The following CLEC9A variants were observed in gnomAD, a reference collection of about 807,000 sequenced individuals.
CLEC9A encodes the protein C-type lectin domain containing 9A.
CLEC9A carries 24 observed loss-of-function variants against 30.0 expected under a neutral mutation model. The ratio of observed to expected loss-of-function variants is 0.80; its 90% confidence interval spans 0.58 to 1.13. The LOEUF (loss-of-function observed/expected upper bound fraction) is 1.13, where lower values mean the gene tolerates loss of function less well. Among genes scored for constraint, CLEC9A ranks in the 50% most tolerant of loss-of-function variants. CLEC9A has a pLI of 0.00. For synonymous variants in CLEC9A, 111 were observed against 96.8 expected, an observed-to-expected ratio of 1.15 and a Z score of -0.86; for missense variants, 251 against 280.9, an observed-to-expected ratio of 0.89 and a Z score of 0.76.
intron 1 of CLEC9A, among the ~76,000 whole-genome samples, chr12:10,039,331 A>G (rs1311729429): frequency 2.6e-5 from 4 of 152,150 alleles, no homozygotes; most frequent in African/African-American, 4.8e-5. Context: ...TCACTATCCA[A>G]TTGTCCTATA....
At position 10,050,620 on chromosome 12, in the gene CLEC9A, A is replaced by G. The variant is rs1047918142; in HGVS notation, c.-162-1371A>G. On this transcript the variant is annotated intron_variant, in intron 2 of 8. Transcript: ENST00000355819. ...ATTAGTCCTTCATTGGGAGAAGCCA[A>G]TGGCTCCATACAATGAAATTTATCA... Among the ~76,000 whole-genome samples, 7 of 152,374 alleles carry G rather than the reference A, an allele frequency of 4.6e-5. No individual in the cohort carries two copies. In the East Asian group the frequency reaches 7.7e-4, roughly 17 times the overall value.
In CLEC9A at chr12:10,054,274, C is replaced by T. The variant is rs1356571540; in HGVS notation, c.95C>T (p.Ala32Val). The T allele has an allele frequency of 1.9e-6, 3 of 1,611,474 alleles. No individual in the cohort carries two copies. In the African/African-American group the frequency reaches 4.0e-5, roughly 22 times the overall value. Reference protein sequence around the residue: ...KCLSSNKCSGACCLVMVISCV... With the variant: ...KCLSSNKCSGVCCLVMVISCV... The stretch of plus-strand genomic sequence containing the variant: ...ATTTTTCCTATTCTGTGGTTAGGAG[C>T]ATGCTGTCTTGTGATGGTGATTTCA... Residue 32 changes from alanine to valine, a missense_variant, in exon 5 of 9, where the codon GCA becomes GTA. Coordinates refer to ENST00000355819, the MANE Select transcript of CLEC9A (RefSeq NM_207345.4).
intron 5 of CLEC9A, among the ~76,000 whole-genome samples, chr12:10,056,874 A>G (rs776731640): frequency 2.6e-5 from 4 of 152,172 alleles, no homozygotes; most frequent in Non-Finnish European, 4.4e-5. Context: ...ATTCTTACAA[A>G]TAAAAGTTTT....
chr12:10,062,069 CAACCTTGAATAGAAT>C (rs71674723), intron 6 of CLEC9A, among the ~76,000 whole-genome samples: 3,086 of 152,310 alleles, frequency 0.02, 112 homozygotes, highest in African/African-American at 0.071. Flanking sequence ...TCTGAGCCAT[CAACCTTGAATAGAAT>C]AACAATATCC....
chr12:10,063,162 A>G lies in CLEC9A; in HGVS notation c.427A>G (p.Lys143Glu). 6.2e-7 allele frequency: 1 copy of G among 1,611,908 alleles called. No individual in the cohort carries two copies. The highest frequency in any genetic ancestry group is 8.5e-7 in the Non-Finnish European group (1 of 1,179,218). ...IWHTSQENCL[K>E]EGSTLLQIES... ...GCACACCAGTCAAGAGAATTGTTTA[A>G]AGGAAGGTTCCACGCTGCTACAAAT... Residue 143 changes from lysine to glutamate, a missense_variant, in exon 7 of 9, where the codon AAG becomes GAG. Coordinates refer to ENST00000355819, the MANE Select transcript of CLEC9A (RefSeq NM_207345.4).
intron 2 of CLEC9A, among the ~76,000 whole-genome samples, chr12:10,046,177 C>T (rs1336428122): frequency 5.9e-5 from 9 of 152,092 alleles, no homozygotes; most frequent in Non-Finnish European, 1.3e-4. Context: ...CCATTTATAC[C>T]TCACAGTTCT....
chr12:10,033,468 A>C (rs563387197), intron 1 of CLEC9A, among the ~76,000 whole-genome samples: 13 of 152,202 alleles, frequency 8.5e-5, no homozygotes, highest in African/African-American at 3.1e-4. Flanking sequence ...ATTGACTTTG[A>C]TATATTTTAG....
At chr12:10,035,034 G>A (rs1470267368) in intron 1 of CLEC9A, among the ~76,000 whole-genome samples, 2 of 152,220 alleles carry the variant, frequency 1.3e-5, no homozygotes, top group African/African-American at 4.8e-5. Flanking sequence ...CCAAAAGGGT[G>A]ATGGTTTTCC....
At chr12:10,036,139 G>A (rs1009405993) in intron 1 of CLEC9A, among the ~76,000 whole-genome samples, 2 of 150,994 alleles carry the variant, frequency 1.3e-5, no homozygotes, top group Non-Finnish European at 2.9e-5. Context: ...TAGGACTGCA[G>A]TCTGACACAT....
intron 7 of CLEC9A, 148 bp from the exon 8 acceptor site, chr12:10,064,584 C>A: frequency 1.3e-6 from 1 of 771,630 alleles, no homozygotes; most frequent in Non-Finnish European, 2.0e-6. Context: ...AAAAATGTAT[C>A]GGCACTTTTT....
intron 2 of CLEC9A, among the ~76,000 whole-genome samples, chr12:10,048,551 T>C (rs1216492982): frequency 6.6e-6 from 1 of 152,246 alleles, no homozygotes; most frequent in Non-Finnish European, 1.5e-5. Flanking sequence ...TATGCAGTAT[T>C]TGAAATCCTT....
chr12:10,041,064 G>A, intron 1 of CLEC9A: 1 of 157,134 alleles, frequency 6.4e-6, no homozygotes, highest in East Asian at 1.9e-4. Context: ...ACAACATGGT[G>A]AAACCCTGTC....
intron 2 of CLEC9A, among the ~76,000 whole-genome samples, chr12:10,048,510 C>A (rs796802038): frequency 3.1e-4 from 47 of 152,324 alleles, no homozygotes; most frequent in African/African-American, 1.1e-3. Context: ...TCAATCCTCT[C>A]AAATCCTGCT....
At chr12:10,063,520 A>G (rs553027098) in intron 7 of CLEC9A, among the ~76,000 whole-genome samples, 36 of 152,354 alleles carry the variant, frequency 2.4e-4, no homozygotes, top group Admixed American at 1.1e-3. Flanking sequence ...ATATACATAT[A>G]TTATAGTTGC....
chr12:10,038,360 A>G (rs1172375345), intron 1 of CLEC9A, among the ~76,000 whole-genome samples: 1 of 152,240 alleles, frequency 6.6e-6, no homozygotes, highest in Non-Finnish European at 1.5e-5. Flanking sequence ...ATGGAAGACC[A>G]TTTTAAGTGA....
intron 2 of CLEC9A, among the ~76,000 whole-genome samples, chr12:10,044,061 C>T (rs1565589823): frequency 3.3e-5 from 5 of 152,114 alleles, no homozygotes; most frequent in Non-Finnish European, 7.4e-5. Context: ...TTTGACTTTT[C>T]GGTGGCATTT....
At chr12:10,065,392 T>C in intron 8 of CLEC9A, 108 bp from the exon 9 acceptor site, 1 of 1,244,834 alleles carries the variant, frequency 8.0e-7, no homozygotes, top group Non-Finnish European at 1.1e-6. Flanking sequence ...GAAGTTGCTG[T>C]GTCAACACAA....
intron 7 of CLEC9A, among the ~76,000 whole-genome samples, chr12:10,063,958 G>A (rs1014166584): frequency 2.0e-5 from 3 of 152,046 alleles, no homozygotes; most frequent in Non-Finnish European, 2.9e-5. Flanking sequence ...GCAATGAGCC[G>A]AGATTCAGCC....
At position 10,052,786 on chromosome 12, in the gene CLEC9A, G is replaced by T; in HGVS notation, c.91+8G>T. 2 of 1,609,850 alleles carry T rather than the reference G, an allele frequency of 1.2e-6. No homozygotes were observed. The highest frequency in any genetic ancestry group is 1.7e-6 in the Non-Finnish European group (2 of 1,178,000). ...CTTCCAACAAATGTTCAGGTAACCAGTTCTAACTATTTTGTGTGAGACTTT... is the reference window on the plus strand; with the variant it reads ...CTTCCAACAAATGTTCAGGTAACCATTTCTAACTATTTTGTGTGAGACTTT... On this transcript the variant is annotated splice_region_variant and intron_variant, in intron 4 of 8. Coordinates refer to ENST00000355819, the MANE Select transcript of CLEC9A (RefSeq NM_207345.4).
Sources: allele counts gnomAD v4.1 joint callset (sites outside exome capture counted in the v4.1 genomes callset), GRCh38; gene constraint gnomAD v4.1.1; transcripts MANE v1.5; gene names NCBI Gene and HGNC (gene_info 2026-07-23, HGNC 2026-07-21).